The following CLVS1 variants were observed in gnomAD, a reference collection of about 807,000 sequenced individuals.
The protein encoded by CLVS1 is clavesin-1.
In CLVS1, 10 loss-of-function variants were observed where a neutral mutation model predicts 33.1. The observed-to-expected ratio is 0.30, with a 90% CI of 0.19 to 0.51. CLVS1 has a LOEUF of 0.51. Among genes scored for constraint, CLVS1 ranks in the 20% least tolerant of loss-of-function variants. CLVS1 has a pLI of 0.97. For synonymous variants in CLVS1, 163 were observed against 166.1 expected, an observed-to-expected ratio of 0.98 and a Z score of 0.14; for missense variants, 343 against 433.4, an observed-to-expected ratio of 0.79 and a Z score of 1.85.
In CLVS1 at chr8:61,316,286, C is replaced by A. The variant is rs560558246; in HGVS notation, c.455+16004C>A. On this transcript the variant is annotated intron_variant, in intron 2 of 5. Coordinates refer to ENST00000325897, the MANE Select transcript of CLVS1 (RefSeq NM_173519.3). ...CTGGTTTATTCTTAACCCGAGGATACTGACCTTTGCTCTACAATTGGCTAC... is the reference window on the plus strand; with the variant it reads ...CTGGTTTATTCTTAACCCGAGGATAATGACCTTTGCTCTACAATTGGCTAC... 1.2e-3 allele frequency among the ~76,000 whole-genome samples: 181 copies of A among 152,310 alleles called. 1 individual carries two copies. Among genetic ancestry groups the A allele is most frequent in the African/African-American group, 4.3e-3 (177 of 41,558 alleles).
intron 2 of CLVS1, among the ~76,000 whole-genome samples, chr8:61,151,634 C>T (rs1044022980): frequency 6.6e-6 from 1 of 152,110 alleles, no homozygotes; most frequent in Non-Finnish European, 1.5e-5. Flanking sequence ...AGCACCCGGG[C>T]CCCAGGTGTG....
chr8:61,296,823 G>A lies in CLVS1; in HGVS notation c.-151-2854G>A, dbSNP rs578069162. On this transcript the variant is annotated intron_variant, in intron 1 of 5. Transcript: ENST00000325897. ...ATGTGGTGGTGAATGCAATGAAGTC[G>A]CTCTGCCCATGGAGCTGACTCTTTT... 1.1e-3 allele frequency among the ~76,000 whole-genome samples: 175 copies of A among 152,240 alleles called. 1 individual carries two copies. Among genetic ancestry groups the A allele is most frequent in the African/African-American group, 3.8e-3 (156 of 41,556 alleles).
chr8:61,342,058 G>A (rs543345156), intron 2 of CLVS1, among the ~76,000 whole-genome samples: 52 of 152,298 alleles, frequency 3.4e-4, no homozygotes, highest in South Asian at 2.5e-3. Flanking sequence ...TGTTCACAAG[G>A]AAAACACTAG....
chr8:60,998,885 T>G, the CLVS1 span, among the ~76,000 whole-genome samples: 2 of 152,226 alleles, frequency 1.3e-5, no homozygotes, highest in Non-Finnish European at 2.9e-5. Flanking sequence ...TTCTTCTTTT[T>G]CTTTTTTCAG....
intron 2 of CLVS1, among the ~76,000 whole-genome samples, chr8:61,255,431 C>G (rs1392855786): frequency 6.6e-6 from 1 of 152,180 alleles, no homozygotes; most frequent in Non-Finnish European, 1.5e-5. Context: ...GAGGTTATAG[C>G]AGGAAACACT....
chr8:61,069,401 C>T (rs1323031376), intron 1 of CLVS1, among the ~76,000 whole-genome samples: 1 of 138,236 alleles, frequency 7.2e-6, no homozygotes, highest in Admixed American at 7.6e-5. Context: ...TTCCTTCTTT[C>T]TCTCTCTCTT....
the CLVS1 span, among the ~76,000 whole-genome samples, chr8:60,996,043 G>A: frequency 1.3e-5 from 2 of 152,134 alleles, no homozygotes; most frequent in African/African-American, 4.8e-5. Context: ...GGATAGCATT[G>A]GGAGATATAC....
chr8:61,275,503 A>G (rs1809542995), intron 2 of CLVS1, among the ~76,000 whole-genome samples: 2 of 152,242 alleles, frequency 1.3e-5, no homozygotes, highest in African/African-American at 4.8e-5. Context: ...TTAAAGTCAG[A>G]ACAAACTAAA....
At chr8:61,140,951 A>G (rs1387771822) in intron 2 of CLVS1, among the ~76,000 whole-genome samples, 1 of 152,212 alleles carries the variant, frequency 6.6e-6, no homozygotes. Context: ...TAACTGAGTC[A>G]GGCACCTCTC....
intron 2 of CLVS1, among the ~76,000 whole-genome samples, chr8:61,231,001 A>G (rs921816602): frequency 6.6e-6 from 1 of 152,148 alleles, no homozygotes; most frequent in Non-Finnish European, 1.5e-5. Context: ...CACCTCCCAG[A>G]GCCCCACCTC....
intron 2 of CLVS1, among the ~76,000 whole-genome samples, chr8:61,279,565 C>T (rs966471414): frequency 1.3e-5 from 2 of 152,170 alleles, no homozygotes; most frequent in African/African-American, 4.8e-5. Context: ...TGCATTCAGA[C>T]ATGATTTGTA....
intron 5 of CLVS1, among the ~76,000 whole-genome samples, chr8:61,487,178 G>A (rs1022445031): frequency 3.3e-5 from 5 of 152,162 alleles, no homozygotes; most frequent in Non-Finnish European, 7.3e-5. Context: ...CACAGTATGA[G>A]TGGCAAGGCC....
chr8:61,202,899 A>C, intron 2 of CLVS1: 1 of 922,352 alleles, frequency 1.1e-6, no homozygotes. Flanking sequence ...TTAATGAGGA[A>C]GCTGAAGAAA....
intron 2 of CLVS1, among the ~76,000 whole-genome samples, chr8:61,192,010 G>A (rs988527120): frequency 6.6e-6 from 1 of 152,166 alleles, no homozygotes; most frequent in Non-Finnish European, 1.5e-5. Flanking sequence ...TTTCTTCACA[G>A]AATTGGAAAA....
At chr8:61,007,453 A>G in the CLVS1 span, among the ~76,000 whole-genome samples, 1 of 152,196 alleles carries the variant, frequency 6.6e-6, no homozygotes, top group African/African-American at 2.4e-5. Flanking sequence ...TGGTTGCACT[A>G]AAGTCACTAT....
intron 2 of CLVS1, among the ~76,000 whole-genome samples, chr8:61,254,889 C>G (rs1479152014): frequency 7.2e-5 from 11 of 152,184 alleles, no homozygotes; most frequent in African/African-American, 2.7e-4. Flanking sequence ...ATGCCTCAGC[C>G]TCCTTTGGCT....
chr8:61,439,861 G>A (rs1429625206), intron 3 of CLVS1, among the ~76,000 whole-genome samples: 1 of 152,054 alleles, frequency 6.6e-6, no homozygotes, highest in Admixed American at 6.6e-5. Context: ...ATGGGACTAA[G>A]AAACATGTAG....
chr8:61,432,850 C>T (rs566765855), intron 3 of CLVS1, among the ~76,000 whole-genome samples: 6 of 152,204 alleles, frequency 3.9e-5, no homozygotes, highest in South Asian at 4.1e-4. Context: ...AAACACAAGC[C>T]GCAGTAGGAT....
the CLVS1 span, among the ~76,000 whole-genome samples, chr8:61,013,279 G>C: frequency 6.6e-6 from 1 of 152,200 alleles, no homozygotes; most frequent in Non-Finnish European, 1.5e-5. Context: ...AATAAAGATG[G>C]AGAGAGCAGG....
Sources: allele counts gnomAD v4.1 joint callset (sites outside exome capture counted in the v4.1 genomes callset), GRCh38; gene constraint gnomAD v4.1.1; transcripts MANE v1.5; gene names NCBI Gene and HGNC (gene_info 2026-07-23, HGNC 2026-07-21).